The following CROCC2 variants were observed in gnomAD, a reference collection of about 807,000 sequenced individuals.
The protein encoded by CROCC2 is ciliary rootlet coiled-coil, rootletin family member 2.
Under a neutral mutation model 177.6 loss-of-function variants are expected in CROCC2, and 163 were observed. The ratio of observed to expected loss-of-function variants is 0.92; its 90% CI spans 0.81 to 1.05. The LOEUF (loss-of-function observed/expected upper bound fraction) is 1.05, where lower values mean the gene tolerates loss of function less well. Ranked by LOEUF, CROCC2 falls within the 50% of genes least tolerant of loss-of-function variation. CROCC2 has a pLI of 0.00. For synonymous variants in CROCC2, 904 were observed against 787.3 expected, an observed-to-expected ratio of 1.15 and a Z score of -2.48; for missense variants, 1,929 against 1,797.8, an observed-to-expected ratio of 1.07 and a Z score of -1.32.
intron 1 of CROCC2, among the ~76,000 whole-genome samples, chr2:240,914,472 A>C (rs1430021911): frequency 6.6e-6 from 1 of 152,218 alleles, no homozygotes; most frequent in African/African-American, 2.4e-5. Flanking sequence ...GATGCCGTCC[A>C]AACCCCCAGC....
chr2:240,915,931 G>T (rs2059317267), intron 1 of CROCC2, among the ~76,000 whole-genome samples: 1 of 152,194 alleles, frequency 6.6e-6, no homozygotes. Flanking sequence ...CTCCCACTGC[G>T]AGGCCTTCTA....
At position 240,965,629 on chromosome 2, in the gene CROCC2, C is replaced by G. The variant is rs1369948254; in HGVS notation, c.3604-7C>G. 3 of 1,550,514 alleles carry G rather than the reference C, an allele frequency of 1.9e-6. No individual in the cohort carries two copies. Among genetic ancestry groups the G allele is most frequent in the Middle Eastern group, 1.7e-4 (1 of 5,992 alleles). On this transcript the variant is annotated splice_region_variant and splice_polypyrimidine_tract_variant and intron_variant, in intron 23 of 31. Transcript: ENST00000690015. ...CCCACGGGCGCACCCCAACATCCCT[C>G]CTACAGGTCCTGGGATTGCAGAGGA...
At position 240,961,803 on chromosome 2, in the gene CROCC2, A is replaced by ACACTCACACTCACACG. The variant is rs879366140; in HGVS notation, c.3088-1745_3088-1744insCTCACACGCACTCACA. On this transcript the variant is annotated intron_variant, in intron 20 of 31. Coordinates refer to ENST00000690015, the MANE Select transcript of CROCC2 (RefSeq NM_001351305.2). ...TCATCACACACACGCACTCACACAT[A>ACACTCACACTCACACG]CACTCACATACACTCACACACACGC... 6.6e-5 allele frequency among the ~76,000 whole-genome samples: 5 copies of ACACTCACACTCACACG among 76,246 alleles called. 1 individual carries two copies. Among genetic ancestry groups the ACACTCACACTCACACG allele is most frequent in the Middle Eastern group, 7.0e-3 (1 of 142 alleles). The allele number at this position is 76,246 out of a possible 152,430, so 50.0% of individuals were successfully genotyped here. A position where few individuals can be genotyped will look rare whatever the true frequency, so the allele number is the denominator to read the frequency against.
At position 240,953,997 on chromosome 2, in the gene CROCC2, A is replaced by C. The variant is rs942415443; in HGVS notation, c.2830-1862A>C. ...TCCAGTAATGAGGGGTACAGGAGGG[A>C]GAGGCAGGGCCCCAACCCTTGCAGA... On this transcript the variant is annotated intron_variant, in intron 18 of 31. Transcript: ENST00000690015. The surrounding 1 kb of genome is among the most constrained non-coding windows in gnomAD (Gnocchi z 4.0). Among the ~76,000 whole-genome samples the C allele has an allele frequency of 6.6e-6, 1 of 152,198 alleles. No individual in the cohort carries two copies. Among genetic ancestry groups the C allele is most frequent in the African/African-American group, 2.4e-5 (1 of 41,460 alleles).
rs910335498 is a variant in CROCC2 at position 240,960,892 on chromosome 2, C to G, written c.3087+1448C>G. Among the ~76,000 whole-genome samples, 10 of 131,318 alleles carry G rather than the reference C, an allele frequency of 7.6e-5. No individual in the cohort carries two copies. Among genetic ancestry groups the G allele is most frequent in the South Asian group, 2.3e-4 (1 of 4,304 alleles). 86.1% of individuals were successfully genotyped at this position (131,318 alleles called of 152,430 possible). A position where few individuals can be genotyped will look rare whatever the true frequency, so the allele number is the denominator to read the frequency against. ...TCAGCGACCACACGGGGAAGCAAAACGAGATTGCAAAACTGGGGGCAGCAG... is the reference window on the plus strand; with the variant it reads ...TCAGCGACCACACGGGGAAGCAAAAGGAGATTGCAAAACTGGGGGCAGCAG... On this transcript the variant is annotated intron_variant, in intron 20 of 31. Transcript: ENST00000690015. The surrounding 1 kb of genome is among the most constrained non-coding windows in gnomAD (Gnocchi z 5.0).
chr2:240,950,809 A>T, intron 18 of CROCC2: 2 of 382,446 alleles, frequency 5.2e-6, no homozygotes, highest in East Asian at 9.4e-5. Flanking sequence ...CTGTCCATTC[A>T]TACACCCACC....
At chr2:240,926,934 C>T (rs1424315405) in intron 5 of CROCC2, among the ~76,000 whole-genome samples, 1 of 152,234 alleles carries the variant, frequency 6.6e-6, no homozygotes. Flanking sequence ...GTCCTTGGAC[C>T]GCTGGACAGG....
intron 28 of CROCC2, among the ~76,000 whole-genome samples, chr2:240,983,944 G>C (rs549646948): frequency 3.3e-5 from 5 of 152,278 alleles, no homozygotes; most frequent in Non-Finnish European, 7.4e-5. Context: ...CCTGCGGCTG[G>C]AGCAACAGGT....
intron 1 of CROCC2, among the ~76,000 whole-genome samples, chr2:240,915,002 T>A (rs1574743215): frequency 6.6e-6 from 1 of 151,888 alleles, no homozygotes; most frequent in Non-Finnish European, 1.5e-5. Flanking sequence ...AAGACTCGGG[T>A]TTTTCGGTGC....
At chr2:240,974,749 T>C (rs745902731) in intron 27 of CROCC2, among the ~76,000 whole-genome samples, 5 of 152,174 alleles carry the variant, frequency 3.3e-5, no homozygotes, top group Middle Eastern at 3.2e-3. Context: ...TTCTCTTTAA[T>C]AGTAAGAGCA....
rs926735976 is a variant in CROCC2 at position 240,958,369 on chromosome 2, C to T, written c.2944-932C>T. ...GATGGCCCTTCTCAGTCCAGAGAGA[C>T]CAGAGGGGGTTGTAAAGAATGACGA... On this transcript the variant is annotated intron_variant, in intron 19 of 31. Coordinates refer to ENST00000690015, the MANE Select transcript of CROCC2 (RefSeq NM_001351305.2). This position sits in a 1 kb window ranked among gnomAD's most constrained non-coding sequence, Gnocchi z 6.7. Among the ~76,000 whole-genome samples the T allele has an allele frequency of 2.0e-5, 3 of 152,128 alleles. No individual in the cohort carries two copies. The highest frequency in any genetic ancestry group is 1.3e-4 in the Admixed American group (2 of 15,274).
chr2:240,910,385 G>A lies in CROCC2; in HGVS notation c.78+3794G>A, dbSNP rs1574739969. On this transcript the variant is annotated intron_variant, in intron 1 of 31. Transcript: ENST00000690015. ...GGGCTCCTCAGACTCCCGTTCCTTG[G>A]CTTGAATTTTGATTTGTGCTATTTT... Among the ~76,000 whole-genome samples, 3 of 146,184 alleles carry A rather than the reference G, an allele frequency of 2.1e-5. No individual in the cohort carries two copies. In the Admixed American group the frequency reaches 2.1e-4, roughly 10 times the overall value.
chr2:240,943,419 T>C (rs1223417168), intron 14 of CROCC2, among the ~76,000 whole-genome samples: 2 of 152,058 alleles, frequency 1.3e-5, no homozygotes, highest in African/African-American at 2.4e-5. Context: ...CTCTAAGTTA[T>C]ATCTCTTCAA....
At chr2:240,981,752 A>G (rs1256223130) in intron 27 of CROCC2, 1 of 126,758 alleles carries the variant, frequency 7.9e-6, no homozygotes, top group African/African-American at 2.7e-5. Flanking sequence ...GTGTCGGACC[A>G]AAAAAAAAAG....
chr2:240,955,089 G>A (rs899764912), intron 18 of CROCC2: 2 of 152,108 alleles, frequency 1.3e-5, no homozygotes, highest in African/African-American at 4.8e-5. Context: ...AAAGCATCTC[G>A]GTGGCCTTTC....
At chr2:240,930,133 G>T in intron 5 of CROCC2, 33 bp from the exon 6 acceptor site, 5 of 538,502 alleles carry the variant, frequency 9.3e-6, no homozygotes, top group Non-Finnish European at 1.7e-5. Flanking sequence ...AGGGGCCCCA[G>T]CCTGAAGTAG....
chr2:240,970,968 G>C (rs2106483043), intron 27 of CROCC2, among the ~76,000 whole-genome samples: 1 of 152,310 alleles, frequency 6.6e-6, no homozygotes, highest in Non-Finnish European at 1.5e-5. Flanking sequence ...GGTTCATCCA[G>C]GTGCTTCTGG....
chr2:240,975,320 A>T (rs928134199), intron 27 of CROCC2, among the ~76,000 whole-genome samples: 5 of 152,162 alleles, frequency 3.3e-5, no homozygotes, highest in Non-Finnish European at 5.9e-5. Flanking sequence ...CCAGAGTCCC[A>T]CTGTGTGGAG....
At chr2:240,919,328 T>C (rs1264382851) in intron 2 of CROCC2, among the ~76,000 whole-genome samples, 1 of 152,068 alleles carries the variant, frequency 6.6e-6, no homozygotes. Context: ...CTCCGCTTCA[T>C]TGGTGGTTTC....
Sources: gnomAD v4.1 joint callset for allele counts (sites outside exome capture counted in the v4.1 genomes callset) on GRCh38, gnomAD v4.1.1 for gene constraint, Gnocchi (gnomAD v3.1) non-coding constraint, MANE v1.5 for transcripts, NCBI Gene and HGNC (gene_info 2026-07-23, HGNC 2026-07-21) for gene names.